Variants in FNIP2 observed in about 807,000 individuals in gnomAD.
FNIP2 encodes folliculin-interacting protein 2.
In FNIP2, 32 loss-of-function variants were observed where a neutral mutation model predicts 108.7. The observed-to-expected ratio is 0.29, with a 90% CI of 0.22 to 0.40. The LOEUF (loss-of-function observed/expected upper bound fraction) is 0.40. Ranked by LOEUF, FNIP2 falls within the 10% of genes least tolerant of loss-of-function variation. The pLI is 1.00. For synonymous variants in FNIP2, 480 were observed against 496.7 expected (o/e 0.97, Z 0.45); for missense variants, 1,202 against 1,381.6 (o/e 0.87, Z 2.06).
chr4:158,879,147 A>G (rs1453095666), intron 14 of FNIP2, among the ~76,000 whole-genome samples: 1 of 150,306 alleles, frequency 6.7e-6, no homozygotes, highest in East Asian at 1.9e-4. Flanking sequence ...AATGGCTGGC[A>G]TTTTTCAGGT....
intron 14 of FNIP2, among the ~76,000 whole-genome samples, chr4:158,878,033 G>C (rs1781381331): frequency 6.6e-6 from 1 of 151,472 alleles, no homozygotes; most frequent in African/African-American, 2.4e-5. Context: ...TGGATGGCAT[G>C]CCTCCCCTCT....
At chr4:158,856,145 G>A (rs943577853) in intron 8 of FNIP2, among the ~76,000 whole-genome samples, 1 of 152,128 alleles carries the variant, frequency 6.6e-6, no homozygotes, top group Non-Finnish European at 1.5e-5. Context: ...ATCACTTACC[G>A]AGGCAATTGA....
At chr4:158,877,728 T>C (rs535636813) in intron 14 of FNIP2, among the ~76,000 whole-genome samples, 25 of 152,336 alleles carry the variant, frequency 1.6e-4, no homozygotes, top group African/African-American at 5.5e-4. Flanking sequence ...AAAATACTTA[T>C]CAGGTATCTT....
At chr4:158,796,188 G>T (rs1176971751) in intron 1 of FNIP2, among the ~76,000 whole-genome samples, 1 of 152,128 alleles carries the variant, frequency 6.6e-6, no homozygotes, top group Non-Finnish European at 1.5e-5. Context: ...AGTTTTTATA[G>T]AGCAAATGGC....
intron 1 of FNIP2, among the ~76,000 whole-genome samples, chr4:158,776,483 T>A (rs1292265814): frequency 3.9e-5 from 6 of 152,216 alleles, no homozygotes; most frequent in African/African-American, 1.4e-4. Context: ...ATTTTTTGTC[T>A]TATAGTCAAA....
intron 16 of FNIP2, among the ~76,000 whole-genome samples, chr4:158,900,392 C>T (rs892949759): frequency 6.6e-6 from 1 of 152,078 alleles, no homozygotes; most frequent in African/African-American, 2.4e-5. Context: ...GTCCTGAATA[C>T]CCTGTTAATT....
chr4:158,795,500 T>C (rs577281121), intron 1 of FNIP2, among the ~76,000 whole-genome samples: 1 of 152,348 alleles, frequency 6.6e-6, no homozygotes, highest in Admixed American at 6.5e-5. Context: ...ACCTTTATAA[T>C]AGCAGCTAAA....
At position 158,785,087 on chromosome 4, in the gene FNIP2, C is replaced by CTTTT. The variant is rs397805773; in HGVS notation, c.107+15782_107+15785dup. On this transcript the variant is annotated intron_variant, in intron 1 of 16. Coordinates refer to ENST00000264433, the MANE Select transcript of FNIP2 (RefSeq NM_020840.3). ...TTATTAGCCAGTATATAAAGTTCCT[C>CTTTT]TTTTTTTTTTTTTTTTTGAGCCAGA... Among the ~76,000 whole-genome samples the CTTTT allele has an allele frequency of 3.3e-3, 410 of 123,170 alleles. 14 individuals are homozygous for CTTTT. The highest frequency in any genetic ancestry group is 0.012 in the African/African-American group (351 of 30,020). The allele number at this position is 123,170 out of a possible 152,430, so 80.8% of individuals were successfully genotyped here.
intron 7 of FNIP2, among the ~76,000 whole-genome samples, chr4:158,842,540 C>G (rs559186227): frequency 6.6e-6 from 1 of 152,258 alleles, no homozygotes; most frequent in South Asian, 2.1e-4. Flanking sequence ...ATAAAAGACA[C>G]AGTACACTAG....
Position 158,815,506 on chromosome 4 carries a change from C to T in FNIP2, c.108-10410C>T, listed in dbSNP as rs2126524194. 5.9e-5 allele frequency among the ~76,000 whole-genome samples: 9 copies of T among 152,154 alleles called. 1 individual carries two copies. The South Asian group carries it at 1.9e-3, about 32-fold the overall frequency. ...CACGCCGTTCTCCTGTCTCAGCCTCCCGAGTAGCTGGGACTACAGGCGCCC... is the reference window on the plus strand; with the variant it reads ...CACGCCGTTCTCCTGTCTCAGCCTCTCGAGTAGCTGGGACTACAGGCGCCC... On this transcript the variant is annotated intron_variant, in intron 1 of 16. Transcript: ENST00000264433.
intron 6 of FNIP2, chr4:158,834,786 C>T (rs1778707024): frequency 6.6e-6 from 1 of 152,312 alleles, no homozygotes; most frequent in African/African-American, 2.4e-5. Context: ...AGAGTGTTTT[C>T]CACAGTTCAT....
intron 1 of FNIP2, among the ~76,000 whole-genome samples, chr4:158,803,681 A>T (rs1043049214): frequency 6.6e-6 from 1 of 152,228 alleles, no homozygotes; most frequent in Non-Finnish European, 1.5e-5. Flanking sequence ...AAGGCTTATT[A>T]GTTGGGTAAC....
chr4:158,809,500 A>G (rs1777154954), intron 1 of FNIP2, among the ~76,000 whole-genome samples: 1 of 152,216 alleles, frequency 6.6e-6, no homozygotes, highest in African/African-American at 2.4e-5. Flanking sequence ...GATGCCAGGT[A>G]TATGGTATCA....
At chr4:158,872,055 T>G in intron 14 of FNIP2, 6 of 985,380 alleles carry the variant, frequency 6.1e-6, no homozygotes, top group Non-Finnish European at 7.2e-6. Context: ...ATATTGGTGT[T>G]GGTTATTGGA....
chr4:158,803,756 G>T (rs1776840219), intron 1 of FNIP2, among the ~76,000 whole-genome samples: 1 of 152,122 alleles, frequency 6.6e-6, no homozygotes, highest in Non-Finnish European at 1.5e-5. Flanking sequence ...TATCATGTTG[G>T]TCTCACTGAT....
chr4:158,786,012 C>T (rs1461315712), intron 1 of FNIP2, among the ~76,000 whole-genome samples: 1 of 151,996 alleles, frequency 6.6e-6, no homozygotes, highest in South Asian at 2.1e-4. Flanking sequence ...TTGCCTAAAC[C>T]AATCTGACCT....
At chr4:158,786,585 C>T (rs545014939) in intron 1 of FNIP2, among the ~76,000 whole-genome samples, 1 of 152,266 alleles carries the variant, frequency 6.6e-6, no homozygotes, top group South Asian at 2.1e-4. Flanking sequence ...AATGAACAAA[C>T]CCAGGACTTG....
intron 14 of FNIP2, chr4:158,871,883 G>A (rs1780972137): frequency 1.0e-6 from 1 of 985,390 alleles, no homozygotes; most frequent in Non-Finnish European, 1.2e-6. Context: ...CCAAAACGAT[G>A]TCTGATGCTT....
rs750234518 is a variant in FNIP2 at position 158,861,663 on chromosome 4, C to T, written c.1352C>T (p.Thr451Ile). 1 of 1,614,052 alleles carries T rather than the reference C, an allele frequency of 6.2e-7. No individual in the cohort carries two copies. ...ACCTACCACCTGGCCTGGGTCCCAA[C>T]TGTCATGCCTGTGGATCACCCTCCC... ...VLTYHLAWVP[T>I]VMPVDHPPIK... The change falls in exon 12 of 17, where the codon ACT becomes ATT. Residue 451 changes from threonine (T) to isoleucine (I), a missense_variant. Transcript: ENST00000264433.
Sources: allele counts gnomAD v4.1 joint callset (sites outside exome capture counted in the v4.1 genomes callset), GRCh38; gene constraint gnomAD v4.1.1; transcripts MANE v1.5; gene names NCBI Gene and HGNC (gene_info 2026-07-23, HGNC 2026-07-21).